The following MYT1L variants were observed in gnomAD, a reference collection of about 807,000 sequenced individuals.
MYT1L encodes the protein myelin transcription factor 1 like.
Under a neutral mutation model 126.7 loss-of-function variants are expected in MYT1L, and 12 were observed. The observed-to-expected ratio is 0.09, with a 90% CI of 0.06 to 0.15. The LOEUF (loss-of-function observed/expected upper bound fraction) is 0.15, where lower values mean the gene tolerates loss of function less well. MYT1L is among the 10% of genes least tolerant of loss of function. The pLI is 1.00. For missense variants in MYT1L, 979 were observed against 1,585.2 expected (o/e 0.62, Z 6.49); for synonymous variants, 541 against 604.2 (o/e 0.90, Z 1.53).
At chr2:1,973,136 C>CCT (rs748030448) in intron 8 of MYT1L, among the ~76,000 whole-genome samples, 46 of 150,832 alleles carry the variant, frequency 3.0e-4, no homozygotes, top group African/African-American at 6.5e-4. Context: ...CTAGGAATTT[C>CCT]CTCTCTCTCT....
chr2:2,261,650 A>G (rs999234273), intron 2 of MYT1L, among the ~76,000 whole-genome samples: 1 of 152,238 alleles, frequency 6.6e-6, no homozygotes, highest in Admixed American at 6.5e-5. Context: ...GAAATAAGTA[A>G]GAGAGTGGTG....
At chr2:1,972,710 AT>A (rs1476493220) in intron 8 of MYT1L, among the ~76,000 whole-genome samples, 4 of 152,214 alleles carry the variant, frequency 2.6e-5, no homozygotes, top group African/African-American at 4.8e-5. Flanking sequence ...AAGACAGGCA[AT>A]TATTCACCAC....
chr2:2,164,270 T>G (rs1433032538), intron 3 of MYT1L, among the ~76,000 whole-genome samples: 1 of 152,202 alleles, frequency 6.6e-6, no homozygotes, highest in African/African-American at 2.4e-5. Context: ...ACCCTCTTCC[T>G]CTTTCCCTTT....
At position 1,929,108 on chromosome 2, in the gene MYT1L, G is replaced by A. The variant is rs987981659; in HGVS notation, c.506-5845C>T. Among the ~76,000 whole-genome samples, 2 of 152,086 alleles carry A rather than the reference G, an allele frequency of 1.3e-5. No individual in the cohort carries two copies. The highest frequency in any genetic ancestry group is 2.4e-5 in the African/African-American group (1 of 41,406). Reference sequence around the variant, plus strand: ...AGAAGCGTGAGTTCATTTCCCTCTCGCTTCAAAGGCCCCAGGCGCATGCTG... The same window carrying A: ...AGAAGCGTGAGTTCATTTCCCTCTCACTTCAAAGGCCCCAGGCGCATGCTG... On this transcript the variant is annotated intron_variant, in intron 9 of 24. Coordinates refer to ENST00000647738, the MANE Select transcript of MYT1L (RefSeq NM_001303052.2). This position sits in a 1 kb window ranked among gnomAD's most constrained non-coding sequence, Gnocchi z 4.7.
intron 1 of MYT1L, among the ~76,000 whole-genome samples, chr2:2,285,722 A>G (rs1338875168): frequency 6.6e-6 from 1 of 152,180 alleles, no homozygotes; most frequent in Non-Finnish European, 1.5e-5. Context: ...ATTTCCGAGT[A>G]TCCAGCTGAG....
intron 2 of MYT1L, among the ~76,000 whole-genome samples, chr2:2,252,307 T>A (rs1433085032): frequency 6.6e-6 from 1 of 152,170 alleles, no homozygotes; most frequent in East Asian, 1.9e-4. Context: ...ATGCTTCAGG[T>A]TCCAGGCTAA....
rs1383177402 is a variant in MYT1L at position 2,083,344 on chromosome 2, T to C, written c.-303-29221A>G. ...TACATTTCCTGATATGCAATACAGC[T>C]GGCAGCAGGATGGCCTGCACATGCG... On this transcript the variant is annotated intron_variant, in intron 3 of 24. Coordinates refer to ENST00000647738, the MANE Select transcript of MYT1L (RefSeq NM_001303052.2). Among the ~76,000 whole-genome samples the C allele has an allele frequency of 2.0e-5, 3 of 152,198 alleles. 1 individual carries two copies. Among genetic ancestry groups the C allele is most frequent in the African/African-American group, 7.2e-5 (3 of 41,448 alleles).
rs1461902791 is a variant in MYT1L, at chr2:1,852,425, C to G, written c.2712-722G>C. Among the ~76,000 whole-genome samples the G allele has an allele frequency of 2.0e-5, 3 of 152,288 alleles. No homozygotes were observed. In the East Asian group the frequency reaches 5.8e-4, roughly 29 times the overall value. ...ACATACACTCATCTGCTGAAGCCTA[C>G]CGAGGCAACCCCATCCCGTTTCTTA... On this transcript the variant is annotated intron_variant, in intron 18 of 24. Coordinates refer to ENST00000647738, the MANE Select transcript of MYT1L (RefSeq NM_001303052.2). This position sits in a 1 kb window ranked among gnomAD's most constrained non-coding sequence, Gnocchi z 4.0.
intron 21 of MYT1L, among the ~76,000 whole-genome samples, chr2:1,818,789 T>C (rs2038082313): frequency 6.6e-6 from 1 of 152,194 alleles, no homozygotes; most frequent in Admixed American, 6.5e-5. Flanking sequence ...AATGGCATCG[T>C]GGTCCCTTCT....
chr2:1,872,886 A>G (rs1293222637), intron 18 of MYT1L, among the ~76,000 whole-genome samples: 1 of 152,046 alleles, frequency 6.6e-6, no homozygotes, highest in Non-Finnish European at 1.5e-5. Flanking sequence ...ATGACCTCTC[A>G]GGTAGGGGCC....
At chr2:2,029,582 G>T (rs1289478668) in intron 4 of MYT1L, among the ~76,000 whole-genome samples, 1 of 152,158 alleles carries the variant, frequency 6.6e-6, no homozygotes, top group Non-Finnish European at 1.5e-5. Flanking sequence ...GGTGAGACTT[G>T]GGTGGGGACA....
intron 3 of MYT1L, among the ~76,000 whole-genome samples, chr2:2,079,157 T>A (rs897954708): frequency 6.6e-6 from 1 of 152,154 alleles, no homozygotes; most frequent in Non-Finnish European, 1.5e-5. Context: ...CCACATAGTT[T>A]ATGACATTTT....
intron 2 of MYT1L, among the ~76,000 whole-genome samples, chr2:2,252,944 C>A (rs540842812): frequency 1.3e-5 from 2 of 152,266 alleles, no homozygotes; most frequent in South Asian, 2.1e-4. Flanking sequence ...TCCTCATTTA[C>A]ATCTACAGTC....
At chr2:1,860,145 A>G (rs1450284285) in intron 18 of MYT1L, among the ~76,000 whole-genome samples, 1 of 152,208 alleles carries the variant, frequency 6.6e-6, no homozygotes, top group Non-Finnish European at 1.5e-5. Context: ...GCTCCTGTCC[A>G]GTGCGGCAGA....
intron 23 of MYT1L, among the ~76,000 whole-genome samples, chr2:1,796,907 C>G (rs897263230): frequency 6.6e-6 from 1 of 152,218 alleles, no homozygotes; most frequent in African/African-American, 2.4e-5. Context: ...CTTGAGTCCC[C>G]TGCTCTCTCC....
chr2:2,306,274 G>T (rs2095857585), intron 1 of MYT1L: 1 of 150,812 alleles, frequency 6.6e-6, no homozygotes, highest in Non-Finnish European at 1.5e-5. Flanking sequence ...GTGTTTTCAA[G>T]GGTCCTTCTC....
At chr2:1,969,419 G>C (rs908619811) in intron 8 of MYT1L, among the ~76,000 whole-genome samples, 3 of 152,212 alleles carry the variant, frequency 2.0e-5, no homozygotes, top group African/African-American at 7.2e-5. Context: ...AGGCCTGTTT[G>C]TTGGCCACGA....
In MYT1L at chr2:2,059,503, G is replaced by A. The variant is rs991277907; in HGVS notation, c.-303-5380C>T. Among the ~76,000 whole-genome samples, 2 of 151,946 alleles carry A rather than the reference G, an allele frequency of 1.3e-5. No individual in the cohort carries two copies. The highest frequency in any genetic ancestry group is 2.9e-5 in the Non-Finnish European group (2 of 68,028). On this transcript the variant is annotated intron_variant, in intron 3 of 24. Transcript: ENST00000647738. This position sits in a 1 kb window ranked among gnomAD's most constrained non-coding sequence, Gnocchi z 4.7. Reference sequence around the variant, plus strand: ...ACCAGGTGCATTGCCCAGTGCTGGCGGCACTTCATCCCCACTGAGGGTGGA... The same window carrying A: ...ACCAGGTGCATTGCCCAGTGCTGGCAGCACTTCATCCCCACTGAGGGTGGA...
intron 3 of MYT1L, among the ~76,000 whole-genome samples, chr2:2,114,537 C>CTTTGTAATT (rs933380334): frequency 6.6e-6 from 1 of 152,158 alleles, no homozygotes; most frequent in Admixed American, 6.5e-5. Flanking sequence ...ATTTGCCACA[C>CTTTGTAATT]TTTGTAATTA....
Sources: allele counts gnomAD v4.1 joint callset (sites outside exome capture counted in the v4.1 genomes callset), GRCh38; gene constraint gnomAD v4.1.1; non-coding constraint Gnocchi (gnomAD v3.1); transcripts MANE v1.5; gene names NCBI Gene and HGNC (gene_info 2026-07-23, HGNC 2026-07-21).